The following MACROH2A2 variants were observed in gnomAD, a reference collection of about 807,000 sequenced individuals.
MACROH2A2 encodes core histone macro-H2A.2.
In MACROH2A2, 6 loss-of-function variants were observed where a neutral mutation model predicts 37.6. The ratio of observed to expected loss-of-function variants is 0.16; its 90% confidence interval spans 0.09 to 0.32. The LOEUF (loss-of-function observed/expected upper bound fraction) is 0.32. MACROH2A2 is among the 10% of genes least tolerant of loss of function. The pLI is 1.00. For missense variants in MACROH2A2, 290 were observed against 485.9 expected, an observed-to-expected ratio of 0.60 and a Z score of 3.79; for synonymous variants, 192 against 202.7, an observed-to-expected ratio of 0.95 and a Z score of 0.45.
intron 1 of MACROH2A2, among the ~76,000 whole-genome samples, chr10:70,074,728 CTT>C (rs1360814659): frequency 6.6e-6 from 1 of 152,166 alleles, no homozygotes; most frequent in African/African-American, 2.4e-5. Context: ...CTCATTCTCT[CTT>C]GTCTACTGCC....
intron 1 of MACROH2A2, among the ~76,000 whole-genome samples, chr10:70,068,262 A>G (rs1465301500): frequency 6.6e-6 from 1 of 152,196 alleles, no homozygotes; most frequent in Non-Finnish European, 1.5e-5. Context: ...GCCCTAGCAT[A>G]GAAATTCCCT....
rs367587500 is a variant in MACROH2A2 at position 70,082,604 on chromosome 10, C to T, written c.172+6774C>T. 5.9e-5 allele frequency among the ~76,000 whole-genome samples: 9 copies of T among 152,144 alleles called. No homozygotes were observed. In the South Asian group the frequency reaches 1.2e-3, roughly 21 times the overall value. ...TTCATACAATGGGCTGTTATTCAGC[C>T]GTAAGATTTCAAAAAGGAATAAAAT... On this transcript the variant is annotated intron_variant, in intron 2 of 8. Transcript: ENST00000373255.
In MACROH2A2 at chr10:70,093,815, G is replaced by A. The variant is rs149601898; in HGVS notation, c.558G>A (p.Leu186=). 3.6e-5 allele frequency: 57 copies of A among 1,605,328 alleles called. No individual in the cohort carries two copies. In the African/African-American group the frequency reaches 6.1e-4, roughly 17 times the overall value. ...EDGPGDGFTI[L]SSKSLVLGQK... is the part of the protein sequence containing the mutation. ...GGCCAGGGGATGGATTCACCATTCTGTCTTCTAAGAGCCTTGTTCTGGGAC... is the reference window on the plus strand; with the variant it reads ...GGCCAGGGGATGGATTCACCATTCTATCTTCTAAGAGCCTTGTTCTGGGAC... The change falls in exon 5 of 9, where the codon CTG becomes CTA. Residue 186 remains leucine, a synonymous_variant. Transcript: ENST00000373255.
Position 70,075,864 on chromosome 10 carries a change from C to T in MACROH2A2, c.172+34C>T, listed in dbSNP as rs771320707. ...GACACGCAAAGGAGGCTGCCTGCTC[C>T]CAGGTCCCCACCCTCCCCTGGGTCC... On this transcript the variant is annotated intron_variant, in intron 2 of 8. Coordinates refer to ENST00000373255, the MANE Select transcript of MACROH2A2 (RefSeq NM_018649.3). This position sits in a 1 kb window ranked among gnomAD's most constrained non-coding sequence, Gnocchi z 5.0. 2.5e-6 allele frequency: 4 copies of T among 1,579,680 alleles called. No homozygotes were observed. The highest frequency in any genetic ancestry group is 3.5e-6 in the Non-Finnish European group (4 of 1,155,700).
At chr10:70,103,894 GA>G (rs1409879458) in intron 7 of MACROH2A2, among the ~76,000 whole-genome samples, 1 of 152,182 alleles carries the variant, frequency 6.6e-6, no homozygotes, top group African/African-American at 2.4e-5. Flanking sequence ...ATTCAAGAAT[GA>G]GGACAAAAGA....
intron 1 of MACROH2A2, among the ~76,000 whole-genome samples, chr10:70,070,033 C>T (rs905824349): frequency 6.6e-6 from 1 of 152,032 alleles, no homozygotes; most frequent in African/African-American, 2.4e-5. Context: ...GTAGATGTAA[C>T]ATGTCAGCTC....
At chr10:70,081,503 T>G (rs2072176357) in intron 2 of MACROH2A2, among the ~76,000 whole-genome samples, 1 of 150,446 alleles carries the variant, frequency 6.6e-6, no homozygotes, top group South Asian at 2.1e-4. Flanking sequence ...AGCCAGAGGG[T>G]AAGGAGGAAA....
At chr10:70,099,183 A>G (rs1170502909) in intron 6 of MACROH2A2, 2 of 152,192 alleles carry the variant, frequency 1.3e-5, no homozygotes, top group African/African-American at 4.8e-5. Flanking sequence ...GCATCATGGA[A>G]ACCCAAGAAC....
At chr10:70,071,094 T>TGTGTGC (rs537404247) in intron 1 of MACROH2A2, among the ~76,000 whole-genome samples, 3,705 of 150,750 alleles carry the variant, frequency 0.025, 63 homozygotes, top group Middle Eastern at 0.055. Flanking sequence ...TGTGTGTGTG[T>TGTGTGC]GCGCGTGTGC....
chr10:70,071,570 G>T (rs193296289), intron 1 of MACROH2A2, among the ~76,000 whole-genome samples: 1 of 152,238 alleles, frequency 6.6e-6, no homozygotes, highest in East Asian at 1.9e-4. Context: ...TAACGAAAGG[G>T]GTACGTTCTG....
chr10:70,088,142 TCACA>T (rs141228845), intron 2 of MACROH2A2, among the ~76,000 whole-genome samples: 21 of 149,320 alleles, frequency 1.4e-4, no homozygotes, highest in African/African-American at 4.5e-4. Flanking sequence ...GCCTGCACAC[TCACA>T]CACACACAGT....
At chr10:70,098,312 AAGAG>A (rs202040141) in intron 6 of MACROH2A2, 11,562 of 146,102 alleles carry the variant, frequency 0.079, 589 homozygotes, top group East Asian at 0.22. Flanking sequence ...GGGAAAGAAA[AAGAG>A]AGAAAGAGAG....
intron 7 of MACROH2A2, among the ~76,000 whole-genome samples, chr10:70,106,749 G>C (rs536004211): frequency 1.3e-5 from 2 of 148,488 alleles, no homozygotes; most frequent in East Asian, 3.9e-4. Context: ...GTTGCAGTGA[G>C]CTGTGATCGA....
At chr10:70,101,639 C>T (rs1053490689) in intron 7 of MACROH2A2, among the ~76,000 whole-genome samples, 2 of 150,390 alleles carry the variant, frequency 1.3e-5, no homozygotes, top group Non-Finnish European at 3.0e-5. Flanking sequence ...AACCCCCTAA[C>T]CATTAAGCAG....
chr10:70,096,021 T>A (rs1331691862), intron 6 of MACROH2A2, among the ~76,000 whole-genome samples: 1 of 152,218 alleles, frequency 6.6e-6, no homozygotes, highest in Non-Finnish European at 1.5e-5. Context: ...AACCCCACTT[T>A]GCAACCAGCA....
At chr10:70,090,308 A>C in intron 3 of MACROH2A2, 142 bp downstream of exon 3, 1 of 618,550 alleles carries the variant, frequency 1.6e-6, no homozygotes. Context: ...AAAAGAACAA[A>C]TTCTGCTAGC....
intron 7 of MACROH2A2, among the ~76,000 whole-genome samples, chr10:70,102,482 G>A (rs1006066652): frequency 1.3e-5 from 2 of 152,196 alleles, no homozygotes; most frequent in Admixed American, 6.5e-5. Flanking sequence ...ACTTTGGGAG[G>A]CTGAGGCAGG....
chr10:70,092,009 G>A (rs2072248249), intron 4 of MACROH2A2, 55 bp downstream of exon 4: 16 of 1,376,360 alleles, frequency 1.2e-5, no homozygotes, highest in Admixed American at 3.6e-5. Flanking sequence ...TGGTCTGAAT[G>A]TCTGTGTTCC....
chr10:70,110,030 C>G (rs1286678321), intron 8 of MACROH2A2, among the ~76,000 whole-genome samples: 1 of 152,186 alleles, frequency 6.6e-6, no homozygotes, highest in African/African-American at 2.4e-5. Context: ...GACCTAGGTT[C>G]CTGCTGTAAT....
Sources: gnomAD v4.1 joint callset for allele counts (sites outside exome capture counted in the v4.1 genomes callset) on GRCh38, gnomAD v4.1.1 for gene constraint, Gnocchi (gnomAD v3.1) non-coding constraint, MANE v1.5 for transcripts, NCBI Gene and HGNC (gene_info 2026-07-23, HGNC 2026-07-21) for gene names.